HAUS1: variants seen among roughly 807,000 people sequenced by gnomAD.
The protein encoded by HAUS1 is HAUS augmin like complex subunit 1.
Under a neutral mutation model 38.6 loss-of-function variants are expected in HAUS1, and 25 were observed. The observed-to-expected ratio is 0.65, with a 90% CI of 0.47 to 0.91. HAUS1 has a LOEUF of 0.91. Among genes scored for constraint, HAUS1 ranks in the 40% least tolerant of loss-of-function variants. The pLI is 0.00. For synonymous variants in HAUS1, 109 were observed against 112.9 expected (o/e 0.97, Z 0.22); for missense variants, 325 against 328.4 (o/e 0.99, Z 0.08).
chr18:46,126,817 A>T (rs1175613447), intron 8 of HAUS1: 1 of 143,710 alleles, frequency 7.0e-6, no homozygotes, highest in Non-Finnish European at 1.5e-5. Context: ...TTATTTATTT[A>T]TTTATTTATT....
intron 5 of HAUS1, chr18:46,123,040 T>C (rs567949483): frequency 2.6e-6 from 1 of 384,504 alleles, no homozygotes; most frequent in South Asian, 2.9e-5. Flanking sequence ...TGAAACCCCG[T>C]CTCTACTAAA....
At chr18:46,106,407 T>C (rs1911482453) in intron 2 of HAUS1, among the ~76,000 whole-genome samples, 1 of 150,844 alleles carries the variant, frequency 6.6e-6, no homozygotes, top group Non-Finnish European at 1.5e-5. Flanking sequence ...AGGCGGAGCT[T>C]GCAGTGAGCC....
In HAUS1 at chr18:46,110,102, C is replaced by CT. The variant is rs139567752; in HGVS notation, c.205+4735dup. Among the ~76,000 whole-genome samples the CT allele has an allele frequency of 2.3e-4, 35 of 150,150 alleles. No homozygotes were observed. The East Asian group carries it at 5.9e-3, about 25-fold the overall frequency. ...CCTTAGTTCTTGTAAGTTGAGTCTG[C>CT]TAGCAACAGATTCTCTGTGGTTTTT... On this transcript the variant is annotated intron_variant, in intron 2 of 8. Coordinates refer to ENST00000282058, the MANE Select transcript of HAUS1 (RefSeq NM_138443.4).
chr18:46,105,883 T>A (rs1231966664), intron 2 of HAUS1, among the ~76,000 whole-genome samples: 1 of 152,102 alleles, frequency 6.6e-6, no homozygotes, highest in Non-Finnish European at 1.5e-5. Flanking sequence ...GCCTGGCCAG[T>A]AGTAATTCTC....
At chr18:46,112,120 C>T (rs1414321159) in intron 2 of HAUS1, among the ~76,000 whole-genome samples, 2 of 149,708 alleles carry the variant, frequency 1.3e-5, no homozygotes, top group African/African-American at 2.4e-5. Flanking sequence ...CTCCTGACCT[C>T]GTGATCCGCC....
intron 4 of HAUS1, among the ~76,000 whole-genome samples, chr18:46,121,205 T>C (rs1911932312): frequency 6.6e-6 from 1 of 152,126 alleles, no homozygotes; most frequent in African/African-American, 2.4e-5. Context: ...ATTTATTTTG[T>C]TGAGACAGAG....
chr18:46,113,893 T>C (rs531820202), intron 2 of HAUS1, among the ~76,000 whole-genome samples: 4 of 152,318 alleles, frequency 2.6e-5, no homozygotes, highest in Non-Finnish European at 4.4e-5. Context: ...AAACTCCTGA[T>C]GTTATCAGCT....
Position 46,119,786 on chromosome 18 carries a change from AGT to A in HAUS1, c.342-135_342-134del, listed in dbSNP as rs553136066. ...GAAGGGCATTCCAGGCAATGGGAACAGTGTGTAAAAAAAGGCATAAAGGTATG... is the reference window on the plus strand; with the variant it reads ...GAAGGGCATTCCAGGCAATGGGAACAGTGTAAAAAAAGGCATAAAGGTATG... On this transcript the variant is annotated intron_variant, in intron 3 of 8. Transcript: ENST00000282058. 76 of 638,420 alleles carry A rather than the reference AGT, an allele frequency of 1.2e-4. 1 individual carries two copies. In the South Asian group the frequency reaches 2.5e-3, roughly 21 times the overall value. The allele number at this position is 638,420 out of a possible 1,614,324, so 39.5% of individuals were successfully genotyped here.
intron 4 of HAUS1, among the ~76,000 whole-genome samples, chr18:46,120,734 C>G (rs939387134): frequency 6.6e-6 from 1 of 151,274 alleles, no homozygotes; most frequent in Non-Finnish European, 1.5e-5. Flanking sequence ...TACAGGTGTG[C>G]ACCACCATGC....
Position 46,128,239 on chromosome 18 carries a change from C to A in HAUS1, c.*114C>A. Reference sequence around the variant, plus strand: ...CAAAACTTTCTGTGTTCTTAGATTACAGAATATCATAATTGATAGAATATG... The same window carrying A: ...CAAAACTTTCTGTGTTCTTAGATTAAAGAATATCATAATTGATAGAATATG... On this transcript the variant is annotated 3_prime_UTR_variant, in exon 9 of 9. Coordinates refer to ENST00000282058, the MANE Select transcript of HAUS1 (RefSeq NM_138443.4). 1.9e-6 allele frequency: 1 copy of A among 538,178 alleles called. No individual in the cohort carries two copies. Among genetic ancestry groups the A allele is most frequent in the Non-Finnish European group, 3.3e-6 (1 of 306,306 alleles). 33.3% of individuals were successfully genotyped at this position (538,178 alleles called of 1,614,324 possible).
In HAUS1 at chr18:46,123,514, C is replaced by A. The variant is rs1476520597; in HGVS notation, c.666+150C>A. 8.3e-6 allele frequency: 5 copies of A among 604,746 alleles called. No homozygotes were observed. The East Asian group carries it at 8.3e-5, about 10-fold the overall frequency. The allele number at this position is 604,746 out of a possible 1,614,324, so 37.5% of individuals were successfully genotyped here. On this transcript the variant is annotated intron_variant, in intron 6 of 8. Transcript: ENST00000282058. ...ACTTTATATTCACTGGTATTTATAT[C>A]TTTTATTCCTTGTTTAGCTGTATAT...
At chr18:46,126,550 G>A (rs1253613323) in intron 8 of HAUS1, 4 of 151,954 alleles carry the variant, frequency 2.6e-5, no homozygotes, top group Non-Finnish European at 5.9e-5. Context: ...GAACTTAGAG[G>A]ATGTAGGGAC....
At chr18:46,126,815 T>TTATA (rs1298407513) in intron 8 of HAUS1, 2 of 144,720 alleles carry the variant, frequency 1.4e-5, no homozygotes, top group Admixed American at 6.9e-5. Context: ...ATTTATTTAT[T>TTATA]TATTTATTTA....
In HAUS1 at chr18:46,120,629, A is replaced by G. The variant is rs565743394; in HGVS notation, c.476+569A>G. 2.0e-5 allele frequency among the ~76,000 whole-genome samples: 3 copies of G among 152,078 alleles called. No homozygotes were observed. The South Asian group carries it at 6.2e-4, about 32-fold the overall frequency. ...GAGATGGAGTCTCGCTGAGACACCC[A>G]GGCTGGAGTGCAATGGTGCAGTCTT... On this transcript the variant is annotated intron_variant, in intron 4 of 8. Coordinates refer to ENST00000282058, the MANE Select transcript of HAUS1 (RefSeq NM_138443.4).
At position 46,125,726 on chromosome 18, in the gene HAUS1, T is replaced by G; in HGVS notation, c.739-18T>G. ...ATTGAGGCAATATAACCTTTCCTTG[T>G]TTTATTTTTTTTTAAAGAATCCGTC... On this transcript the variant is annotated intron_variant, in intron 7 of 8. Coordinates refer to ENST00000282058, the MANE Select transcript of HAUS1 (RefSeq NM_138443.4). The G allele has an allele frequency of 6.4e-7, 1 of 1,569,970 alleles. No individual in the cohort carries two copies. The highest frequency in any genetic ancestry group is 8.7e-7 in the Non-Finnish European group (1 of 1,144,966).
At chr18:46,105,551 TGTGTG>T in intron 2 of HAUS1, 183 bp downstream of exon 2, 1 of 43,780 alleles carries the variant, frequency 2.3e-5, no homozygotes, top group Non-Finnish European at 4.8e-5. Context: ...TGTATATGTA[TGTGTG>T]TGTGTGTGTG....
chr18:46,122,334 T>C (rs1259781999), intron 4 of HAUS1, 133 bp from the exon 5 acceptor site: 1 of 740,288 alleles, frequency 1.4e-6, no homozygotes, highest in South Asian at 1.8e-5. Flanking sequence ...GAGTGCAACA[T>C]GGAGGGGAAG....
At chr18:46,114,829 AT>A (rs1911759116) in intron 2 of HAUS1, among the ~76,000 whole-genome samples, 1 of 152,138 alleles carries the variant, frequency 6.6e-6, no homozygotes. Flanking sequence ...AATACCACAA[AT>A]TCTCAGTGTC....
intron 2 of HAUS1, among the ~76,000 whole-genome samples, chr18:46,107,506 T>C (rs1265840275): frequency 6.6e-6 from 1 of 152,240 alleles, no homozygotes; most frequent in African/African-American, 2.4e-5. Flanking sequence ...ATTGCCACCA[T>C]TGAGATCTGA....
Sources: gnomAD v4.1 joint callset for allele counts (sites outside exome capture counted in the v4.1 genomes callset) on GRCh38, gnomAD v4.1.1 for gene constraint, MANE v1.5 for transcripts, NCBI Gene and HGNC (gene_info 2026-07-23, HGNC 2026-07-21) for gene names.